The following TDP1 variants were observed in gnomAD, a reference collection of about 807,000 sequenced individuals.
TDP1 encodes the protein tyr-DNA phosphodiesterase 1.
Under a neutral mutation model 81.5 loss-of-function variants are expected in TDP1, and 64 were observed. The observed-to-expected ratio is 0.79, with a 90% CI of 0.64 to 0.97. The LOEUF (loss-of-function observed/expected upper bound fraction) is 0.97, where lower values mean the gene tolerates loss of function less well. TDP1 is among the 50% of genes least tolerant of loss of function. The pLI, the probability that TDP1 is intolerant of heterozygous loss-of-function variation, is 0.00. For synonymous variants in TDP1, 256 were observed against 264.3 expected (o/e 0.97, Z 0.30); for missense variants, 723 against 743.8 (o/e 0.97, Z 0.33).
At chr14:89,959,778 C>T (rs1205646969) in intron 2 of TDP1, among the ~76,000 whole-genome samples, 1 of 152,104 alleles carries the variant, frequency 6.6e-6, no homozygotes, top group Non-Finnish European at 1.5e-5. Flanking sequence ...TTGAAATTCT[C>T]TAAATAATTC....
At chr14:90,020,101 C>T (rs1208181270) in intron 15 of TDP1, among the ~76,000 whole-genome samples, 1 of 152,160 alleles carries the variant, frequency 6.6e-6, no homozygotes, top group African/African-American at 2.4e-5. Context: ...ATTTCTGTGT[C>T]CAAACACCAG....
chr14:89,998,513 A>G (rs1425287631), intron 14 of TDP1, among the ~76,000 whole-genome samples: 1 of 149,450 alleles, frequency 6.7e-6, no homozygotes, highest in Non-Finnish European at 1.5e-5. Flanking sequence ...GTATCCATTA[A>G]TCCCCTTTTC....
rs1431046878 is a variant in TDP1, at chr14:89,975,810, C to T, written c.786C>T (p.His262=). 2 of 1,612,600 alleles carry T rather than the reference C, an allele frequency of 1.2e-6. No homozygotes were observed. The highest frequency in any genetic ancestry group is 2.7e-5 in the African/African-American group (2 of 74,996). ...QAKLDIAFGT[H]HTKMMLLLYE... ...AGTTGGATATTGCGTTTGGAACACA[C>T]CACACGTAAGCACTTTTTGTGAAAT... The change falls in exon 7 of 17, where the codon CAC becomes CAT. Residue 262 remains histidine (H), a synonymous_variant. Transcript: ENST00000335725.
chr14:89,976,878 G>T (rs1894400391), intron 7 of TDP1, among the ~76,000 whole-genome samples: 2 of 152,158 alleles, frequency 1.3e-5, no homozygotes, highest in East Asian at 3.9e-4. Flanking sequence ...AGGAGGCTGG[G>T]CGCTGTGGCT....
intron 14 of TDP1, among the ~76,000 whole-genome samples, chr14:90,001,355 T>A (rs1897173207): frequency 6.6e-6 from 1 of 152,244 alleles, no homozygotes; most frequent in Admixed American, 6.5e-5. Context: ...TGGGTCACGT[T>A]TTAGTATATG....
chr14:89,993,774 G>A (rs1413564728), intron 14 of TDP1, among the ~76,000 whole-genome samples: 1 of 152,038 alleles, frequency 6.6e-6, no homozygotes, highest in Non-Finnish European at 1.5e-5. Flanking sequence ...TTGACATTTG[G>A]GGTAAGTACA....
intron 7 of TDP1, chr14:89,980,080 A>C (rs1273842109): frequency 8.1e-6 from 7 of 866,192 alleles, no homozygotes; most frequent in Non-Finnish European, 9.7e-6. Flanking sequence ...CTTTGTGCCA[A>C]AACAAAATTT....
At chr14:90,038,586 C>T (rs1888046597) in intron 16 of TDP1, among the ~76,000 whole-genome samples, 1 of 152,092 alleles carries the variant, frequency 6.6e-6, no homozygotes, top group Admixed American at 6.6e-5. Flanking sequence ...ACCTGTAATC[C>T]CAGCACTTTG....
intron 15 of TDP1, among the ~76,000 whole-genome samples, chr14:90,023,274 C>G (rs2140283697): frequency 6.6e-6 from 1 of 152,264 alleles, no homozygotes; most frequent in Non-Finnish European, 1.5e-5. Flanking sequence ...TAACTGCTGT[C>G]AGGGAAGAGG....
At position 89,998,371 on chromosome 14, in the gene TDP1, AT is replaced by A. The variant is rs1555390499; in HGVS notation, c.1541+4890del. 6.8e-4 allele frequency among the ~76,000 whole-genome samples: 53 copies of A among 77,634 alleles called. 1 individual carries two copies. The highest frequency in any genetic ancestry group is 4.1e-3 in the African/African-American group (52 of 12,734). The allele number at this position is 77,634 out of a possible 152,430, so 50.9% of individuals were successfully genotyped here. A position where few individuals can be genotyped will look rare whatever the true frequency, so the allele number is the denominator to read the frequency against. ...CAGTTCCAGGCACAGTTCCAAGCAC[AT>A]TATATATATATATATATATATATAT... On this transcript the variant is annotated intron_variant, in intron 14 of 16. Transcript: ENST00000335725.
chr14:89,972,617 ATCTTCTATTACACG>A (rs34378093), intron 6 of TDP1, among the ~76,000 whole-genome samples: 6,491 of 152,312 alleles, frequency 0.043, 170 homozygotes, highest in Non-Finnish European at 0.064. Context: ...ATCTAAAAAG[ATCTTCTATTACACG>A]TGGCGCATTT....
chr14:89,992,046 CTGGTTTGTTTTTTTTTT>C (rs1206488009), intron 13 of TDP1, 63 bp downstream of exon 13: 50 of 1,403,856 alleles, frequency 3.6e-5, no homozygotes, highest in Non-Finnish European at 4.7e-5. Context: ...ATTTATGTCA[CTGGTTTGTTTTTTTTTT>C]TAAAAGGAAC....
At chr14:89,966,990 G>C (rs1411949648) in intron 4 of TDP1, 1 of 985,048 alleles carries the variant, frequency 1.0e-6, no homozygotes, top group Non-Finnish European at 1.2e-6. Flanking sequence ...TTTGTCTCCA[G>C]TATCTGTCTT....
intron 16 of TDP1, 77 bp downstream of exon 16, chr14:90,033,291 C>A: frequency 1.1e-6 from 1 of 876,962 alleles, no homozygotes; most frequent in Non-Finnish European, 1.9e-6. Context: ...AGCCTTTGGT[C>A]TCAGTGGGAT....
intron 14 of TDP1, among the ~76,000 whole-genome samples, chr14:90,018,190 C>G (rs987862140): frequency 6.6e-6 from 1 of 151,934 alleles, no homozygotes; most frequent in Non-Finnish European, 1.5e-5. Flanking sequence ...GAGTGAATCT[C>G]GAAATAGTCA....
chr14:89,969,300 G>A (rs1368938511), intron 5 of TDP1, among the ~76,000 whole-genome samples: 4 of 152,116 alleles, frequency 2.6e-5, no homozygotes, highest in African/African-American at 9.7e-5. Context: ...TCCCCTTATT[G>A]CCAAATGCAT....
At chr14:89,970,185 T>G (rs1893455997) in intron 5 of TDP1, among the ~76,000 whole-genome samples, 1 of 152,228 alleles carries the variant, frequency 6.6e-6, no homozygotes, top group Non-Finnish European at 1.5e-5. Flanking sequence ...CGAAATATAC[T>G]TATTTCTAAG....
chr14:89,959,786 T>G (rs1289515500), intron 2 of TDP1, among the ~76,000 whole-genome samples: 4 of 152,190 alleles, frequency 2.6e-5, no homozygotes, highest in African/African-American at 4.8e-5. Context: ...CTCTAAATAA[T>G]TCACAGAGTT....
chr14:89,989,257 T>C, intron 11 of TDP1, 167 bp downstream of exon 11: 1 of 965,024 alleles, frequency 1.0e-6, no homozygotes, highest in Non-Finnish European at 1.2e-6. Flanking sequence ...AGCATCGTCA[T>C]TTGTAATCAA....
Sources: gnomAD v4.1 joint callset for allele counts (sites outside exome capture counted in the v4.1 genomes callset) on GRCh38, gnomAD v4.1.1 for gene constraint, MANE v1.5 for transcripts, NCBI Gene and HGNC (gene_info 2026-07-23, HGNC 2026-07-21) for gene names.